The following P2RX7 variants were observed in gnomAD, a reference collection of about 807,000 sequenced individuals.
The protein encoded by P2RX7 is P2X purinoceptor 7.
P2RX7 carries 62 observed loss-of-function variants against 71.6 expected under a neutral mutation model. The observed-to-expected ratio is 0.87, with a 90% CI of 0.71 to 1.07. The LOEUF is 1.07. Among genes scored for constraint, P2RX7 ranks in the 50% least tolerant of loss-of-function variants. The probability of loss-of-function intolerance (pLI) is 0.00; values close to 1 mark genes in which losing one functional copy is unlikely to be tolerated. For missense variants in P2RX7, 686 were observed against 748.5 expected (o/e 0.92, Z 0.97); for synonymous variants, 299 against 283.3 (o/e 1.06, Z -0.56).
intron 1 of P2RX7, 136 bp downstream of exon 1, chr12:121,133,231 C>G: frequency 1.0e-6 from 1 of 993,912 alleles, no homozygotes; most frequent in Non-Finnish European, 1.5e-6. Flanking sequence ...GCCAGCTGGG[C>G]GGGAGGGAGG....
intron 1 of P2RX7, among the ~76,000 whole-genome samples, chr12:121,138,561 A>G (rs1874194196): frequency 6.6e-6 from 1 of 152,250 alleles, no homozygotes; most frequent in Non-Finnish European, 1.5e-5. Context: ...AACCACATCC[A>G]GTGGATTTTC....
chr12:121,180,963 C>CAA (rs35912062), intron 12 of P2RX7, among the ~76,000 whole-genome samples: 5 of 136,448 alleles, frequency 3.7e-5, no homozygotes, highest in African/African-American at 2.7e-5. Context: ...GACTCCATCT[C>CAA]AAAAAAAAAA....
chr12:121,174,048 C>CTTTTTTTTT (rs141344773), intron 8 of P2RX7, among the ~76,000 whole-genome samples: 6 of 73,900 alleles, frequency 8.1e-5, no homozygotes, highest in Admixed American at 1.3e-4. Context: ...CTTTTCTTTT[C>CTTTTTTTTT]TTTTTTTTTT....
Position 121,154,198 on chromosome 12 carries a change from G to A in P2RX7, c.126-587G>A, listed in dbSNP as rs571808593. 6.6e-6 allele frequency among the ~76,000 whole-genome samples: 1 copy of A among 151,966 alleles called. No individual in the cohort carries two copies. Among genetic ancestry groups the A allele is most frequent in the East Asian group, 1.9e-4 (1 of 5,160 alleles). On this transcript the variant is annotated intron_variant, in intron 1 of 12. Transcript: ENST00000328963. The surrounding 1 kb of genome is among the most constrained non-coding windows in gnomAD (Gnocchi z 4.2). Reference sequence around the variant, plus strand: ...CCAGCTACTTGGGAGGCTGAGGCAGGAGAATCACTTGAACCTGGGAGGTGG... The same window carrying A: ...CCAGCTACTTGGGAGGCTGAGGCAGAAGAATCACTTGAACCTGGGAGGTGG...
At chr12:121,140,032 T>A (rs1222902458) in intron 1 of P2RX7, among the ~76,000 whole-genome samples, 1 of 152,168 alleles carries the variant, frequency 6.6e-6, no homozygotes, top group African/African-American at 2.4e-5. Context: ...GCGCCCAGCC[T>A]GCCCCTGACT....
At chr12:121,150,680 G>A (rs1329660273) in intron 1 of P2RX7, among the ~76,000 whole-genome samples, 1 of 152,268 alleles carries the variant, frequency 6.6e-6, no homozygotes, top group African/African-American at 2.4e-5. Context: ...AGGCCAAGGC[G>A]GGTGGATCAC....
intron 8 of P2RX7, among the ~76,000 whole-genome samples, chr12:121,172,594 G>A (rs1882410600): frequency 6.6e-6 from 1 of 152,192 alleles, no homozygotes; most frequent in Non-Finnish European, 1.5e-5. Context: ...TCAAGCCACT[G>A]CACTCCAGCC....
intron 11 of P2RX7, among the ~76,000 whole-genome samples, 170 bp from the exon 12 acceptor site, chr12:121,180,184 C>T (rs1234835863): frequency 6.9e-6 from 1 of 144,018 alleles, no homozygotes; most frequent in Non-Finnish European, 1.5e-5. Context: ...GGTTCCATTT[C>T]TGATTTATCT....
chr12:121,184,670 C>A lies in P2RX7; in HGVS notation c.1656C>A (p.Cys552Ter). 1 of 1,589,478 alleles carries A rather than the reference C, an allele frequency of 6.3e-7. No homozygotes were observed. Among genetic ancestry groups the A allele is most frequent in the Non-Finnish European group, 8.6e-7 (1 of 1,168,324 alleles). Residue 552 changes from cysteine (C) to a stop codon, truncating the protein, a stop_gained, in exon 13 of 13, where the codon TGC becomes TGA. Coordinates refer to ENST00000328963, the MANE Select transcript of P2RX7 (RefSeq NM_002562.6). LOFTEE classifies it high-confidence loss of function. ...NSRLRHCAYR[C>*]YATWRFGSQD... ...GGCTGCGGCACTGTGCCTACAGGTG[C>A]TACGCCACCTGGCGCTTCGGCTCCC... is the stretch of plus-strand genomic sequence containing the variant.
chr12:121,136,494 T>C (rs1222331606), intron 1 of P2RX7, among the ~76,000 whole-genome samples: 4 of 151,182 alleles, frequency 2.6e-5, no homozygotes, highest in African/African-American at 9.8e-5. Context: ...AATTTTTTAT[T>C]TTTTTTTGTG....
rs1342868512 is a variant in P2RX7 at position 121,154,442 on chromosome 12, C to T, written c.126-343C>T. 2.0e-5 allele frequency among the ~76,000 whole-genome samples: 3 copies of T among 152,030 alleles called. No individual in the cohort carries two copies. The highest frequency in any genetic ancestry group is 6.6e-5 in the Admixed American group (1 of 15,258). On this transcript the variant is annotated intron_variant, in intron 1 of 12. Coordinates refer to ENST00000328963, the MANE Select transcript of P2RX7 (RefSeq NM_002562.6). This position sits in a 1 kb window ranked among gnomAD's most constrained non-coding sequence, Gnocchi z 4.2. ...CTCCAGACAAAGCTGGCGAACCCAC[C>T]GGGGCGAGACTTTATGACTTGAGAA...
In P2RX7 at chr12:121,160,950, G is replaced by T. The variant is rs558369761; in HGVS notation, c.412G>T (p.Gly138Ter). 1 of 1,613,860 alleles carries T rather than the reference G, an allele frequency of 6.2e-7. No individual in the cohort carries two copies. The highest frequency in any genetic ancestry group is 2.2e-5 in the East Asian group (1 of 44,878). The change falls in exon 4 of 13, where the codon GGA becomes TGA. Residue 138 changes from glycine to a stop codon, truncating the protein, a stop_gained. Coordinates refer to ENST00000328963, the MANE Select transcript of P2RX7 (RefSeq NM_002562.6). LOFTEE classifies it high-confidence loss of function. The stretch of plus-strand genomic sequence containing the variant: ...TTCCTCTGACCGAGGTTGTAAAAAG[G>T]GATGGATGGACCCGCAGAGCAAAGG... ...LCSSDRGCKK[G>*]WMDPQSKGIQ...
intron 1 of P2RX7, among the ~76,000 whole-genome samples, chr12:121,135,720 G>A (rs1848562607): frequency 6.6e-6 from 1 of 151,612 alleles, no homozygotes; most frequent in Non-Finnish European, 1.5e-5. Flanking sequence ...CATATATGCT[G>A]GGTCCGGCAT....
chr12:121,137,020 G>A (rs1319608704), intron 1 of P2RX7, among the ~76,000 whole-genome samples: 1 of 152,122 alleles, frequency 6.6e-6, no homozygotes, highest in African/African-American at 2.4e-5. Context: ...ACCTTGTAAT[G>A]ATAAATATTT....
chr12:121,155,999 G>A (rs796688739), intron 2 of P2RX7, 80 bp from the exon 3 acceptor site: 87 of 1,289,410 alleles, frequency 6.7e-5, no homozygotes, highest in Admixed American at 1.0e-4. Context: ...GGAGAGGTTC[G>A]CCCAGCAAGC....
chr12:121,173,344 T>C (rs1363260421), intron 8 of P2RX7, among the ~76,000 whole-genome samples: 2 of 151,988 alleles, frequency 1.3e-5, no homozygotes, highest in Non-Finnish European at 2.9e-5. Context: ...TGCCACCACA[T>C]CCAGCTAATT....
intron 8 of P2RX7, among the ~76,000 whole-genome samples, chr12:121,168,085 TACC>T (rs1444537732): frequency 1.3e-5 from 2 of 152,086 alleles, no homozygotes; most frequent in Non-Finnish European, 2.9e-5. Flanking sequence ...TCCTCATCTG[TACC>T]AATTATTTCA....
chr12:121,148,661 C>G (rs1876756965), intron 1 of P2RX7, among the ~76,000 whole-genome samples: 2 of 152,152 alleles, frequency 1.3e-5, no homozygotes, highest in African/African-American at 4.8e-5. Flanking sequence ...GAGCAACAAC[C>G]AGAAACTAAT....
In P2RX7 at chr12:121,154,909, G is replaced by A; in HGVS notation, c.250G>A (p.Val84Met). ...EIVENGVKKLVHSVFDTADYT... is the reference protein window; with the variant it reads ...EIVENGVKKLMHSVFDTADYT... ...CGTGGAGAATGGAGTGAAGAAGTTG[G>A]TGCACAGTGTCTTTGACACCGCAGA... is the stretch of plus-strand genomic sequence containing the variant. The change falls in exon 2 of 13, where the codon GTG (valine) becomes ATG (methionine). Residue 84 changes from valine (V) to methionine (M), a missense_variant. By Grantham distance (21) the Val-to-Met change is conservative. Coordinates refer to ENST00000328963, the MANE Select transcript of P2RX7 (RefSeq NM_002562.6). The surrounding 1 kb of genome is among the most constrained non-coding windows in gnomAD (Gnocchi z 4.2). 1 of 1,613,328 alleles carries A rather than the reference G, an allele frequency of 6.2e-7. No homozygotes were observed. Among genetic ancestry groups the A allele is most frequent in the African/African-American group, 1.3e-5 (1 of 74,762 alleles).
Sources: gnomAD v4.1 joint callset for allele counts (sites outside exome capture counted in the v4.1 genomes callset) on GRCh38, gnomAD v4.1.1 for gene constraint, Gnocchi (gnomAD v3.1) non-coding constraint, MANE v1.5 for transcripts, NCBI Gene and HGNC (gene_info 2026-07-23, HGNC 2026-07-21) for gene names.